The following PHKB variants were observed in gnomAD, a reference collection of about 807,000 sequenced individuals.
PHKB encodes phosphorylase kinase regulatory subunit beta, also known as phosphorylase b kinase regulatory subunit beta.
Under a neutral mutation model 152.1 loss-of-function variants are expected in PHKB, and 122 were observed. That is an observed-to-expected ratio of 0.80 (90% CI 0.69 to 0.93). The LOEUF (loss-of-function observed/expected upper bound fraction) is 0.93. Ranked by LOEUF, PHKB falls within the 40% of genes least tolerant of loss-of-function variation. PHKB has a pLI of 0.00. For synonymous variants in PHKB, 436 were observed against 464.9 expected, an observed-to-expected ratio of 0.94 and a Z score of 0.80; for missense variants, 1,304 against 1,328.4, an observed-to-expected ratio of 0.98 and a Z score of 0.29.
chr16:47,538,882 C>T (rs978962277), intron 6 of PHKB, among the ~76,000 whole-genome samples: 30 of 152,216 alleles, frequency 2.0e-4, no homozygotes, highest in African/African-American at 7.0e-4. Context: ...TTATTGTTTC[C>T]TTCTTAAAAG....
At chr16:47,491,489 G>A (rs564108812) in intron 1 of PHKB, among the ~76,000 whole-genome samples, 7 of 152,156 alleles carry the variant, frequency 4.6e-5, no homozygotes, top group Admixed American at 1.3e-4. Flanking sequence ...TTAAAGTCAC[G>A]TGAACTAAAA....
At chr16:47,464,292 CTTAAATGA>C in intron 1 of PHKB, 1 of 394,888 alleles carries the variant, frequency 2.5e-6, no homozygotes, top group South Asian at 3.1e-5. Flanking sequence ...TAGCATATTT[CTTAAATGA>C]TTTTTGTCTT....
At position 47,516,644 on chromosome 16, in the gene PHKB, C is replaced by T. The variant is rs373414499; in HGVS notation, c.594+1043C>T. 1.1e-4 allele frequency among the ~76,000 whole-genome samples: 16 copies of T among 152,216 alleles called. No individual in the cohort carries two copies. In the East Asian group the frequency reaches 2.1e-3, roughly 20 times the overall value. On this transcript the variant is annotated intron_variant, in intron 6 of 30. Coordinates refer to ENST00000323584, the MANE Select transcript of PHKB (RefSeq NM_000293.3). ...CTCAACACCAAAATTGTCATTGGACCGTACTGAGGGTACTACAAAATAGGT... is the reference window on the plus strand; with the variant it reads ...CTCAACACCAAAATTGTCATTGGACTGTACTGAGGGTACTACAAAATAGGT...
chr16:47,650,337 G>A (rs1458109225), intron 18 of PHKB, among the ~76,000 whole-genome samples: 1 of 152,174 alleles, frequency 6.6e-6, no homozygotes, highest in Non-Finnish European at 1.5e-5. Flanking sequence ...TGAAATCGTT[G>A]AACTCAAAGT....
At chr16:47,558,926 A>G (rs750108237) in intron 7 of PHKB, among the ~76,000 whole-genome samples, 54 of 152,216 alleles carry the variant, frequency 3.5e-4, no homozygotes, top group Non-Finnish European at 6.9e-4. Context: ...ACCATTAAAG[A>G]CAGAACCTTG....
chr16:47,524,830 C>G (rs1426324616), intron 6 of PHKB, among the ~76,000 whole-genome samples: 2 of 152,030 alleles, frequency 1.3e-5, no homozygotes, highest in African/African-American at 4.8e-5. Flanking sequence ...ATTCAGTATC[C>G]CCGTGTTGCC....
intron 24 of PHKB, chr16:47,664,664 T>G: frequency 3.6e-6 from 2 of 558,218 alleles, no homozygotes; most frequent in East Asian, 6.2e-5. Context: ...CAATAAGTGA[T>G]AGTTCTGGTA....
At chr16:47,547,362 C>T (rs1971190324) in intron 6 of PHKB, 71 bp from the exon 7 acceptor site, 2 of 905,660 alleles carry the variant, frequency 2.2e-6, no homozygotes, top group African/African-American at 3.3e-5. Context: ...GGATTACAGG[C>T]ATGAGCCACC....
At chr16:47,518,377 C>T (rs2151653806) in intron 6 of PHKB, among the ~76,000 whole-genome samples, 1 of 152,180 alleles carries the variant, frequency 6.6e-6, no homozygotes, top group African/African-American at 2.4e-5. Flanking sequence ...CATACCTTTA[C>T]TGGTTCTGTT....
intron 7 of PHKB, among the ~76,000 whole-genome samples, chr16:47,579,195 A>C (rs1597099394): frequency 1.3e-5 from 2 of 152,268 alleles, no homozygotes; most frequent in South Asian, 4.2e-4. Context: ...CTTCCCATCC[A>C]TGTATCTTTA....
At position 47,660,959 on chromosome 16, in the gene PHKB, C is replaced by A; in HGVS notation, c.2196+140C>A. On this transcript the variant is annotated intron_variant, in intron 22 of 30. Transcript: ENST00000323584. The stretch of plus-strand genomic sequence containing the variant: ...GTGGATGACTTGTCTACTCCCAGGG[C>A]AATCATGAGAAGTTGTTCTCTTGGT... The A allele has an allele frequency of 3.2e-5, 26 of 823,842 alleles. No individual in the cohort carries two copies. In the South Asian group the frequency reaches 3.7e-4, roughly 12 times the overall value. 51.0% of individuals were successfully genotyped at this position (823,842 alleles called of 1,614,324 possible).
chr16:47,556,097 C>T (rs1971364581), intron 7 of PHKB, among the ~76,000 whole-genome samples: 1 of 152,112 alleles, frequency 6.6e-6, no homozygotes, highest in Non-Finnish European at 1.5e-5. Flanking sequence ...TCTAAGAATG[C>T]TTGTGATTTT....
At chr16:47,650,351 G>A (rs537459744) in intron 18 of PHKB, among the ~76,000 whole-genome samples, 193 bp from the exon 19 acceptor site, 1 of 152,354 alleles carries the variant, frequency 6.6e-6, no homozygotes, top group South Asian at 2.1e-4. Context: ...TCAAAGTGGT[G>A]TTCAGCATAA....
intron 7 of PHKB, among the ~76,000 whole-genome samples, chr16:47,567,556 A>G (rs1222263454): frequency 2.0e-5 from 3 of 152,138 alleles, no homozygotes; most frequent in Non-Finnish European, 4.4e-5. Context: ...TGCTCTGGCT[A>G]GGACTTCCAG....
intron 6 of PHKB, 101 bp downstream of exon 6, chr16:47,515,702 T>C (rs571352788): frequency 3.6e-5 from 25 of 698,146 alleles, no homozygotes; most frequent in Non-Finnish European, 6.2e-5. Context: ...GTAAAATGTA[T>C]TCCTGTTACA....
At chr16:47,568,112 C>T (rs971212873) in intron 7 of PHKB, among the ~76,000 whole-genome samples, 5 of 152,034 alleles carry the variant, frequency 3.3e-5, no homozygotes, top group Non-Finnish European at 2.9e-5. Context: ...AGGATTGGTA[C>T]CAGTTATTTG....
chr16:47,555,503 A>G, intron 7 of PHKB, among the ~76,000 whole-genome samples: 1 of 152,106 alleles, frequency 6.6e-6, no homozygotes, highest in East Asian at 1.9e-4. Flanking sequence ...GCTTTATTTT[A>G]GCTCTCTTCA....
intron 6 of PHKB, among the ~76,000 whole-genome samples, chr16:47,532,681 C>A (rs368891390): frequency 6.6e-6 from 1 of 152,256 alleles, no homozygotes; most frequent in East Asian, 1.9e-4. Context: ...CTGGGGAATG[C>A]AGTGGCACCC....
intron 25 of PHKB, among the ~76,000 whole-genome samples, chr16:47,666,771 T>C (rs1973546899): frequency 6.6e-6 from 1 of 152,228 alleles, no homozygotes; most frequent in African/African-American, 2.4e-5. Context: ...GTTGGTTGAA[T>C]TGAGCCTTGC....
Sources: allele counts gnomAD v4.1 joint callset (sites outside exome capture counted in the v4.1 genomes callset), GRCh38; gene constraint gnomAD v4.1.1; transcripts MANE v1.5; gene names NCBI Gene and HGNC (gene_info 2026-07-23, HGNC 2026-07-21).